The following ZNF846 variants were observed in gnomAD, a reference collection of about 807,000 sequenced individuals.
ZNF846 encodes the protein zinc finger protein 420 pseudogene.
In ZNF846, 15 loss-of-function variants were observed where a neutral mutation model predicts 16.0. That is an observed-to-expected ratio of 0.94 (90% CI 0.63 to 1.45). The LOEUF (loss-of-function observed/expected upper bound fraction) is 1.45, where lower values mean the gene tolerates loss of function less well. Among genes scored for constraint, ZNF846 ranks in the 40% most tolerant of loss-of-function variants. The pLI, the probability that ZNF846 is intolerant of heterozygous loss-of-function variation, is 0.00. For missense variants in ZNF846, 714 were observed against 622.3 expected (o/e 1.15, Z -1.57); for synonymous variants, 229 against 212.0 (o/e 1.08, Z -0.70).
intron 4 of ZNF846, among the ~76,000 whole-genome samples, chr19:9,761,311 C>T (rs576052931): frequency 8.5e-4 from 128 of 151,432 alleles, no homozygotes; most frequent in African/African-American, 3.0e-3. Flanking sequence ...GTATATGGCA[C>T]ATTTGTATAT....
At chr19:9,785,508 C>G (rs958553275) in intron 1 of ZNF846, among the ~76,000 whole-genome samples, 1 of 149,178 alleles carries the variant, frequency 6.7e-6, no homozygotes, top group African/African-American at 2.5e-5. Context: ...CCCCATCTCT[C>G]CCTTCACCGA....
downstream of ZNF846, chr19:9,755,661 G>A (rs981745930): frequency 8.8e-5 from 13 of 147,296 alleles, no homozygotes; most frequent in Non-Finnish European, 1.5e-4. Context: ...TTAGCCGGGC[G>A]TAGTGGCGGG....
intron 1 of ZNF846, chr19:9,775,008 G>C (rs1017205238): frequency 1.9e-6 from 3 of 1,539,540 alleles, no homozygotes; most frequent in Admixed American, 3.8e-5. Flanking sequence ...GCCCCATGCA[G>C]TGCATTCAGA....
upstream of ZNF846, among the ~76,000 whole-genome samples, chr19:9,771,967 C>T (rs1355466155): frequency 2.0e-5 from 3 of 151,950 alleles, no homozygotes; most frequent in East Asian, 1.9e-4. Context: ...GAGGTTTCAC[C>T]GTGTTGGTCA....
downstream of ZNF846, chr19:9,755,651 T>G (rs2045125588): frequency 6.8e-6 from 1 of 146,776 alleles, no homozygotes; most frequent in African/African-American, 2.6e-5. Context: ...ATACAAAAAA[T>G]TAGCCGGGCG....
downstream of ZNF846, among the ~76,000 whole-genome samples, chr19:9,753,536 G>A (rs1402935215): frequency 6.6e-6 from 1 of 150,962 alleles, no homozygotes; most frequent in Non-Finnish European, 1.5e-5. Context: ...TTACAGGTGT[G>A]AGCCACCGTG....
At chr19:9,751,203 C>T (rs1230172827), downstream of ZNF846, among the ~76,000 whole-genome samples, 3 of 152,094 alleles carry the variant, frequency 2.0e-5, no homozygotes, top group African/African-American at 7.2e-5. Flanking sequence ...ACAAATGCTG[C>T]TTTTAACAAA....
chr19:9,765,842 A>G (rs35861281), intron 1 of ZNF846, among the ~76,000 whole-genome samples: 41,775 of 151,422 alleles, frequency 0.28, 6,739 homozygotes, highest in African/African-American at 0.43. Flanking sequence ...GTTGAAGTAG[A>G]AGGATGCTTG....
chr19:9,758,995 ATATTTATT>A (rs534658459), intron 5 of ZNF846, among the ~76,000 whole-genome samples: 6 of 151,534 alleles, frequency 4.0e-5, no homozygotes. Flanking sequence ...AATCTGTCTG[ATATTTATT>A]TATTTATTTA....
At chr19:9,761,182 A>T (rs1461347172) in intron 4 of ZNF846, among the ~76,000 whole-genome samples, 1 of 150,270 alleles carries the variant, frequency 6.7e-6, no homozygotes, top group Admixed American at 6.7e-5. Flanking sequence ...TATCCTGGGC[A>T]ACAGAGAGAG....
intron 1 of ZNF846, among the ~76,000 whole-genome samples, chr19:9,766,306 C>T (rs1048077166): frequency 1.6e-4 from 24 of 149,936 alleles, no homozygotes; most frequent in Non-Finnish European, 2.7e-4. Flanking sequence ...CCCAGCTACT[C>T]GGGAGGCTAA....
chr19:9,778,194 A>T (rs1255741258), intron 1 of ZNF846, among the ~76,000 whole-genome samples: 1 of 152,214 alleles, frequency 6.6e-6, no homozygotes, highest in East Asian at 1.9e-4. Context: ...AACTCAAGAA[A>T]ATGATGTATG....
chr19:9,767,229 G>A (rs1191444416), intron 1 of ZNF846, among the ~76,000 whole-genome samples: 4 of 151,758 alleles, frequency 2.6e-5, no homozygotes, highest in Admixed American at 6.6e-5. Context: ...TCTGCCTCCC[G>A]GGTTCAAGCG....
downstream of ZNF846, among the ~76,000 whole-genome samples, chr19:9,750,562 G>A (rs760635125): frequency 5.9e-5 from 9 of 152,112 alleles, no homozygotes; most frequent in Middle Eastern, 3.2e-3. Context: ...CCAACTGGAT[G>A]GGCACATGTA....
At chr19:9,773,011 C>T (rs1249380714), upstream of ZNF846, among the ~76,000 whole-genome samples, 5 of 152,078 alleles carry the variant, frequency 3.3e-5, no homozygotes, top group East Asian at 5.8e-4. Flanking sequence ...GAACTAAAAC[C>T]GACCATGCCC....
At chr19:9,763,348 C>A (rs1213428477) in exon 3 of ZNF846, 3 of 1,611,662 alleles carry the variant, frequency 1.9e-6, no homozygotes, top group Non-Finnish European at 1.7e-6. Flanking sequence ...TGGGCTTGAT[C>A]CAACAAAGTC....
Position 9,759,894 on chromosome 19 carries a change from A to G in ZNF846, c.278T>C (p.Ile93Thr), listed in dbSNP as rs781540369. Reference sequence around the variant, plus strand: ...TCCATTTGGTGATCTTTCTGCAGAAATATCTTGCAGCAGTGGGGAGCCTTT... The same window carrying G: ...TCCATTTGGTGATCTTTCTGCAGAAGTATCTTGCAGCAGTGGGGAGCCTTT... Residue 93 changes from isoleucine (I) to threonine (T), a missense_variant, in exon 5 of 6, where the codon ATT (isoleucine) becomes ACT (threonine). By Grantham distance (89) the Ile-to-Thr change is moderately conservative. Coordinates refer to ENST00000397902, the Ensembl canonical transcript of ZNF846. The G allele has an allele frequency of 2.5e-6, 4 of 1,613,274 alleles. No individual in the cohort carries two copies. The South Asian group carries it at 3.3e-5, about 13-fold the overall frequency.
downstream of ZNF846, chr19:9,757,397 G>A (rs968838851): frequency 1.7e-6 from 2 of 1,178,050 alleles, no homozygotes; most frequent in African/African-American, 1.6e-5. Context: ...ATTCAGTGAA[G>A]GTTGTTCATA....
At chr19:9,781,802 G>A (rs1232787240) in intron 1 of ZNF846, among the ~76,000 whole-genome samples, 1 of 148,212 alleles carries the variant, frequency 6.7e-6, no homozygotes, top group African/African-American at 2.5e-5. Flanking sequence ...TTTTGAGATG[G>A]AGTGTCGCTC....
Sources: gnomAD v4.1 joint callset for allele counts (sites outside exome capture counted in the v4.1 genomes callset) on GRCh38, gnomAD v4.1.1 for gene constraint, MANE v1.5 for transcripts, NCBI Gene and HGNC (gene_info 2026-07-23, HGNC 2026-07-21) for gene names.